The following PLCE1 variants were observed in gnomAD, a reference collection of about 807,000 sequenced individuals.
The protein encoded by PLCE1 is 1-phosphatidylinositol 4,5-bisphosphate phosphodiesterase epsilon-1.
A neutral mutation model predicts 242.8 loss-of-function variants in PLCE1; 119 were observed. The ratio of observed to expected loss-of-function variants is 0.49; its 90% confidence interval spans 0.42 to 0.57. The LOEUF (loss-of-function observed/expected upper bound fraction) is 0.57, where lower values mean the gene tolerates loss of function less well. Among genes scored for constraint, PLCE1 ranks in the 20% least tolerant of loss-of-function variants. PLCE1 has a pLI of 0.00. For synonymous variants in PLCE1, 945 were observed against 1,017.4 expected, an observed-to-expected ratio of 0.93 and a Z score of 1.35; for missense variants, 2,441 against 2,788.8, an observed-to-expected ratio of 0.88 and a Z score of 2.81.
chr10:94,274,802 G>T (rs2051883947), intron 19 of PLCE1, among the ~76,000 whole-genome samples: 1 of 152,116 alleles, frequency 6.6e-6, no homozygotes, highest in South Asian at 2.1e-4. Context: ...ATCTGCTCCA[G>T]GTGACCTTGC....
At chr10:94,235,693 C>T (rs766746009) in intron 6 of PLCE1, 1 of 978,468 alleles carries the variant, frequency 1.0e-6, no homozygotes, top group Non-Finnish European at 1.2e-6. Flanking sequence ...AGTGGAGTGT[C>T]GATTCCCAGA....
chr10:94,054,271 C>T (rs536205705), intron 2 of PLCE1, among the ~76,000 whole-genome samples: 26 of 152,348 alleles, frequency 1.7e-4, no homozygotes, highest in South Asian at 6.2e-4. Context: ...AACCTATTTT[C>T]TCTTCCTCTT....
intron 32 of PLCE1, among the ~76,000 whole-genome samples, chr10:94,325,949 A>G (rs757427323): frequency 6.6e-6 from 1 of 152,252 alleles, no homozygotes; most frequent in Non-Finnish European, 1.5e-5. Context: ...GCAAAATAAC[A>G]TAACAGCCTC....
intron 2 of PLCE1, among the ~76,000 whole-genome samples, chr10:94,130,835 C>G (rs781286361): frequency 1.3e-5 from 2 of 152,162 alleles, no homozygotes; most frequent in African/African-American, 2.4e-5. Context: ...TCAAGAGAGG[C>G]CCTCTTGAGT....
In PLCE1 at chr10:94,132,143, T is replaced by C. The variant is rs1472968364; in HGVS notation, c.1207-31T>C. 4.4e-6 allele frequency: 7 copies of C among 1,607,866 alleles called. No homozygotes were observed. The East Asian group carries it at 1.3e-4, about 31-fold the overall frequency. Reference sequence around the variant, plus strand: ...AATTTGCTTTCCTAAGAAACTAGATTAATACTTCCTGTACTTTGTGCTATT... The same window carrying C: ...AATTTGCTTTCCTAAGAAACTAGATCAATACTTCCTGTACTTTGTGCTATT... On this transcript the variant is annotated intron_variant, in intron 2 of 32. Coordinates refer to ENST00000371380, the MANE Select transcript of PLCE1 (RefSeq NM_016341.4).
intron 5 of PLCE1, among the ~76,000 whole-genome samples, chr10:94,230,052 T>G (rs1247155700): frequency 1.3e-5 from 2 of 152,200 alleles, no homozygotes; most frequent in African/African-American, 4.8e-5. Flanking sequence ...TTTTTTTTAT[T>G]TTTTAAGCAA....
intron 1 of PLCE1, among the ~76,000 whole-genome samples, chr10:94,028,156 A>T (rs187938557): frequency 6.6e-6 from 1 of 152,328 alleles, no homozygotes; most frequent in East Asian, 1.9e-4. Flanking sequence ...TTAGCCCAAA[A>T]TGTAGTGGCT....
At chr10:94,163,539 C>T (rs545699732) in intron 3 of PLCE1, among the ~76,000 whole-genome samples, 2 of 152,000 alleles carry the variant, frequency 1.3e-5, no homozygotes, top group Non-Finnish European at 1.5e-5. Context: ...TTATTTTGAG[C>T]CTATGTGTGT....
intron 18 of PLCE1, 66 bp from the exon 19 acceptor site, chr10:94,273,496 G>C: frequency 7.2e-7 from 1 of 1,380,448 alleles, no homozygotes; most frequent in East Asian, 2.3e-5. Flanking sequence ...TGTTTATGAA[G>C]TGTACATATA....
At chr10:94,120,207 G>C (rs912738) in intron 2 of PLCE1, among the ~76,000 whole-genome samples, 127,802 of 152,172 alleles carry the variant, frequency 0.84, 56,547 homozygotes, top group South Asian at 0.97. Flanking sequence ...CTTGGTGACA[G>C]CTCTAGCTCC....
At chr10:94,145,021 CAGA>C (rs1046746280) in intron 3 of PLCE1, among the ~76,000 whole-genome samples, 1 of 152,162 alleles carries the variant, frequency 6.6e-6, no homozygotes, top group African/African-American at 2.4e-5. Flanking sequence ...GGGTTTTAAG[CAGA>C]AGTAGTGACA....
At chr10:94,160,397 G>T (rs1382864087) in intron 3 of PLCE1, among the ~76,000 whole-genome samples, 4 of 152,136 alleles carry the variant, frequency 2.6e-5, no homozygotes, top group Non-Finnish European at 4.4e-5. Context: ...TCATGTGTCT[G>T]TTGGCTGCAT....
intron 24 of PLCE1, among the ~76,000 whole-genome samples, chr10:94,301,581 G>A (rs994997954): frequency 4.6e-5 from 7 of 152,102 alleles, no homozygotes; most frequent in Admixed American, 1.3e-4. Flanking sequence ...GGATTCTAAC[G>A]CTCCAAGTGG....
chr10:94,079,875 A>G (rs776758848), intron 2 of PLCE1, among the ~76,000 whole-genome samples: 8 of 152,196 alleles, frequency 5.3e-5, no homozygotes, highest in Non-Finnish European at 7.3e-5. Flanking sequence ...GAACTTTCCT[A>G]TTCCTTCCTT....
At chr10:94,094,844 A>C (rs1293625992) in intron 2 of PLCE1, 1 of 152,194 alleles carries the variant, frequency 6.6e-6, no homozygotes, top group Non-Finnish European at 1.5e-5. Context: ...CGGGTGCAAA[A>C]GGGGAGGAAA....
At chr10:94,251,738 G>A (rs561962715) in intron 8 of PLCE1, among the ~76,000 whole-genome samples, 58 of 152,250 alleles carry the variant, frequency 3.8e-4, no homozygotes, top group African/African-American at 9.4e-4. Flanking sequence ...GGTGTTCTGA[G>A]TCCCATGGGC....
At chr10:94,060,022 T>C (rs2044005245) in intron 2 of PLCE1, among the ~76,000 whole-genome samples, 1 of 152,234 alleles carries the variant, frequency 6.6e-6, no homozygotes, top group South Asian at 2.1e-4. Flanking sequence ...TTTTGTTTGC[T>C]GTCTTAAAAA....
At chr10:94,157,459 A>G (rs2047469010) in intron 3 of PLCE1, among the ~76,000 whole-genome samples, 2 of 152,324 alleles carry the variant, frequency 1.3e-5, no homozygotes, top group South Asian at 4.1e-4. Context: ...GCGATCACAC[A>G]TACATGTGAG....
At chr10:94,231,290 T>C (rs988913943) in intron 5 of PLCE1, among the ~76,000 whole-genome samples, 1 of 152,202 alleles carries the variant, frequency 6.6e-6, no homozygotes, top group Non-Finnish European at 1.5e-5. Flanking sequence ...GAACCATGTC[T>C]CATTCATTCA....
Sources: gnomAD v4.1 joint callset for allele counts (sites outside exome capture counted in the v4.1 genomes callset) on GRCh38, gnomAD v4.1.1 for gene constraint, MANE v1.5 for transcripts, NCBI Gene and HGNC (gene_info 2026-07-23, HGNC 2026-07-21) for gene names.